The following GRIN2A variants were observed in gnomAD, a reference collection of about 807,000 sequenced individuals.
GRIN2A encodes glutamate receptor ionotropic, NMDA 2A.
In GRIN2A, 22 loss-of-function variants were observed where a neutral mutation model predicts 113.4. The observed-to-expected ratio is 0.19, with a 90% CI of 0.14 to 0.28. The LOEUF is 0.28. Ranked by LOEUF, GRIN2A falls within the 10% of genes least tolerant of loss-of-function variation. The pLI is 1.00. For synonymous variants in GRIN2A, 827 were observed against 738.4 expected (o/e 1.12, Z -1.94); for missense variants, 1,502 against 1,887.0 (o/e 0.80, Z 3.78).
At chr16:10,089,036 A>C (rs2048136182) in intron 2 of GRIN2A, among the ~76,000 whole-genome samples, 1 of 152,244 alleles carries the variant, frequency 6.6e-6, no homozygotes, top group African/African-American at 2.4e-5. Context: ...TATCTAAAAA[A>C]TGGGATGACA....
At chr16:9,903,488 C>G (rs1439635842) in intron 3 of GRIN2A, among the ~76,000 whole-genome samples, 1 of 152,174 alleles carries the variant, frequency 6.6e-6, no homozygotes, top group Non-Finnish European at 1.5e-5. Flanking sequence ...AATCTCCACC[C>G]GAGGACCACC....
intron 3 of GRIN2A, among the ~76,000 whole-genome samples, chr16:9,915,030 G>T (rs537398639): frequency 7.1e-6 from 1 of 140,014 alleles, no homozygotes; most frequent in Non-Finnish European, 1.5e-5. Context: ...TCCGCCTCCC[G>T]GGTTCACGCC....
intron 10 of GRIN2A, among the ~76,000 whole-genome samples, chr16:9,809,865 C>T (rs937362513): frequency 5.9e-5 from 9 of 152,080 alleles, no homozygotes; most frequent in African/African-American, 1.9e-4. Context: ...GTCGGGAGTT[C>T]GAGACCAGTC....
intron 2 of GRIN2A, among the ~76,000 whole-genome samples, chr16:10,092,520 T>A (rs958176491): frequency 6.6e-6 from 1 of 152,182 alleles, no homozygotes; most frequent in South Asian, 2.1e-4. Flanking sequence ...TAAGCATTAT[T>A]TTTTTCTCTC....
At chr16:9,908,587 AAGG>A (rs1596569972) in intron 3 of GRIN2A, among the ~76,000 whole-genome samples, 1 of 152,158 alleles carries the variant, frequency 6.6e-6, no homozygotes, top group East Asian at 1.9e-4. Flanking sequence ...CCAGGGGAAG[AAGG>A]AGAAGAAGAA....
At chr16:9,986,184 G>T (rs1222131434) in intron 2 of GRIN2A, among the ~76,000 whole-genome samples, 1 of 152,034 alleles carries the variant, frequency 6.6e-6, no homozygotes, top group East Asian at 1.9e-4. Context: ...AAGGAAATCT[G>T]TAGAAAATCC....
At chr16:9,768,184 C>T (rs965353702) in intron 12 of GRIN2A, among the ~76,000 whole-genome samples, 2 of 152,096 alleles carry the variant, frequency 1.3e-5, no homozygotes, top group African/African-American at 4.8e-5. Context: ...CCTCAGCCTC[C>T]GGGGTAGCTG....
chr16:10,121,681 A>C (rs1425965288), intron 2 of GRIN2A: 2 of 152,186 alleles, frequency 1.3e-5, no homozygotes, highest in African/African-American at 2.4e-5. Flanking sequence ...GCCTGAGTTG[A>C]GATCATTATG....
At chr16:10,012,818 A>G (rs1049618337) in intron 2 of GRIN2A, among the ~76,000 whole-genome samples, 13 of 152,156 alleles carry the variant, frequency 8.5e-5, no homozygotes, top group African/African-American at 2.7e-4. Flanking sequence ...CCCTACTAAC[A>G]CCTTGATTTT....
intron 4 of GRIN2A, among the ~76,000 whole-genome samples, chr16:9,850,670 C>A (rs1462401924): frequency 6.6e-6 from 1 of 151,958 alleles, no homozygotes; most frequent in Non-Finnish European, 1.5e-5. Context: ...CATTTTGACC[C>A]CAGATACAGT....
At chr16:10,036,084 G>C (rs1333531489) in intron 2 of GRIN2A, among the ~76,000 whole-genome samples, 1 of 152,142 alleles carries the variant, frequency 6.6e-6, no homozygotes, top group South Asian at 2.1e-4. Flanking sequence ...AGGTAAAAAC[G>C]ATGAATGATT....
At chr16:10,151,820 A>G (rs2049583079) in intron 2 of GRIN2A, among the ~76,000 whole-genome samples, 1 of 152,196 alleles carries the variant, frequency 6.6e-6, no homozygotes, top group African/African-American at 2.4e-5. Flanking sequence ...CCAACGTGTT[A>G]TAAACGAAAG....
intron 10 of GRIN2A, among the ~76,000 whole-genome samples, chr16:9,799,467 C>T (rs1033953806): frequency 3.9e-5 from 6 of 152,146 alleles, no homozygotes; most frequent in African/African-American, 1.2e-4. Context: ...TCCAGAGCTG[C>T]GAGACAGTCA....
At chr16:9,849,498 A>C (rs1331777254) in intron 5 of GRIN2A, among the ~76,000 whole-genome samples, 1 of 152,050 alleles carries the variant, frequency 6.6e-6, no homozygotes, top group Non-Finnish European at 1.5e-5. Context: ...TAATCTTCCC[A>C]TAACTCGGTT....
intron 2 of GRIN2A, among the ~76,000 whole-genome samples, chr16:10,064,214 C>T (rs1054023932): frequency 2.0e-5 from 3 of 152,128 alleles, no homozygotes; most frequent in Non-Finnish European, 2.9e-5. Context: ...GCTGACTCTT[C>T]TATTTTTCAA....
rs200156573 is a variant in GRIN2A, at chr16:9,858,539, A to AAAT, written c.1123-8581_1123-8579dup. Among the ~76,000 whole-genome samples the AAAT allele has an allele frequency of 1.7e-3, 261 of 152,124 alleles. 2 individuals are homozygous for AAAT. The East Asian group carries it at 0.035, about 20-fold the overall frequency. ...AAATATACTGAAGTTGTGACGACAAAAATAATAATAATAATAATTGACCGC... is the reference window on the plus strand; with the variant it reads ...AAATATACTGAAGTTGTGACGACAAAAATAATAATAATAATAATAATTGACCGC... On this transcript the variant is annotated intron_variant, in intron 4 of 12. Coordinates refer to ENST00000330684, the MANE Select transcript of GRIN2A (RefSeq NM_001134407.3).
chr16:9,803,474 G>A (rs1160127430), intron 10 of GRIN2A, among the ~76,000 whole-genome samples: 1 of 151,902 alleles, frequency 6.6e-6, no homozygotes, highest in Non-Finnish European at 1.5e-5. Context: ...GAGGGCTGCT[G>A]GGAATAAAGT....
chr16:9,978,011 T>G (rs1211030259), intron 2 of GRIN2A, among the ~76,000 whole-genome samples: 2 of 152,212 alleles, frequency 1.3e-5, no homozygotes, highest in Non-Finnish European at 2.9e-5. Flanking sequence ...AGTTAGAACT[T>G]GGATGCTGGC....
chr16:9,754,062 A>G lies in GRIN2A; in HGVS notation c.*9087T>C, dbSNP rs1375171714. The G allele has an allele frequency of 2.7e-5, 5 of 183,436 alleles. No individual in the cohort carries two copies. The highest frequency in any genetic ancestry group is 3.9e-4 in the South Asian group (2 of 5,088). The allele number at this position is 183,436 out of a possible 1,614,324, so 11.4% of individuals were successfully genotyped here. Reference sequence around the variant, plus strand: ...AAAAATGAATCATTTATCCTCTTTGAGAAGGCCATTATTTATAATTTTTAT... The same window carrying G: ...AAAAATGAATCATTTATCCTCTTTGGGAAGGCCATTATTTATAATTTTTAT... On this transcript the variant is annotated 3_prime_UTR_variant, in exon 13 of 13. Coordinates refer to ENST00000330684, the MANE Select transcript of GRIN2A (RefSeq NM_001134407.3).
Sources: gnomAD v4.1 joint callset for allele counts (sites outside exome capture counted in the v4.1 genomes callset) on GRCh38, gnomAD v4.1.1 for gene constraint, MANE v1.5 for transcripts, NCBI Gene and HGNC (gene_info 2026-07-23, HGNC 2026-07-21) for gene names.